RNF180: variants seen among roughly 807,000 people sequenced by gnomAD.
RNF180 encodes ring finger protein 180, also known as E3 ubiquitin-protein ligase RNF180.
A neutral mutation model predicts 59.2 loss-of-function variants in RNF180; 38 were observed. The ratio of observed to expected loss-of-function variants is 0.64; its 90% CI spans 0.50 to 0.84. The LOEUF (loss-of-function observed/expected upper bound fraction) is 0.84, where lower values mean the gene tolerates loss of function less well. Among genes scored for constraint, RNF180 ranks in the 40% least tolerant of loss-of-function variants. RNF180 has a pLI of 0.00. For synonymous variants in RNF180, 262 were observed against 240.3 expected (o/e 1.09, Z -0.84); for missense variants, 705 against 700.9 (o/e 1.01, Z -0.07).
chr5:64,361,016 C>T (rs868807722), intron 7 of RNF180, among the ~76,000 whole-genome samples: 4 of 151,554 alleles, frequency 2.6e-5, no homozygotes, highest in Non-Finnish European at 5.9e-5. Flanking sequence ...AGACAGTTTG[C>T]TGTGCAAATA....
At chr5:64,339,380 A>G (rs907026787) in intron 7 of RNF180, among the ~76,000 whole-genome samples, 9 of 151,890 alleles carry the variant, frequency 5.9e-5, no homozygotes, top group African/African-American at 2.2e-4. Context: ...CATCACTTGT[A>G]GTATTTTTTA....
At chr5:64,270,892 A>G (rs1472563423) in intron 5 of RNF180, among the ~76,000 whole-genome samples, 1 of 152,114 alleles carries the variant, frequency 6.6e-6, no homozygotes, top group Non-Finnish European at 1.5e-5. Context: ...TATAATCACA[A>G]AATACCTGAT....
intron 7 of RNF180, among the ~76,000 whole-genome samples, chr5:64,355,477 T>A (rs990326417): frequency 3.3e-5 from 5 of 151,932 alleles, no homozygotes; most frequent in African/African-American, 9.7e-5. Flanking sequence ...TGTTAAGATA[T>A]CAGTACTGCC....
chr5:64,165,767 G>A (rs1177075832), upstream of RNF180: 1 of 152,190 alleles, frequency 6.6e-6, no homozygotes, highest in African/African-American at 2.4e-5. Flanking sequence ...CCACGTCCGA[G>A]GCCGCGGGGT....
intron 2 of RNF180, among the ~76,000 whole-genome samples, chr5:64,202,005 A>C (rs925420371): frequency 2.0e-5 from 3 of 152,202 alleles, no homozygotes; most frequent in African/African-American, 7.2e-5. Flanking sequence ...TTTAATTAGG[A>C]AAATATCCAA....
chr5:64,319,704 G>A (rs1744246090), intron 5 of RNF180, among the ~76,000 whole-genome samples: 1 of 152,208 alleles, frequency 6.6e-6, no homozygotes, highest in African/African-American at 2.4e-5. Flanking sequence ...TTAAGCTCCT[G>A]AGAGTATTAT....
chr5:64,201,014 A>G (rs766460923), intron 2 of RNF180, 72 bp downstream of exon 2: 47 of 1,167,030 alleles, frequency 4.0e-5, no homozygotes, highest in East Asian at 7.1e-5. Context: ...ACACATGCAC[A>G]CTTATTCTTC....
chr5:64,184,507 G>A (rs1750777920), intron 1 of RNF180, among the ~76,000 whole-genome samples: 1 of 151,832 alleles, frequency 6.6e-6, no homozygotes, highest in Admixed American at 6.6e-5. Context: ...AAGAATTTTT[G>A]CTCACCAACT....
At position 64,300,579 on chromosome 5, in the gene RNF180, G is replaced by A. The variant is rs146171209; in HGVS notation, c.1228-24607G>A. Among the ~76,000 whole-genome samples the A allele has an allele frequency of 3.4e-3, 517 of 151,778 alleles. 2 individuals are homozygous for A. The highest frequency in any genetic ancestry group is 0.011 in the African/African-American group (468 of 41,452). On this transcript the variant is annotated intron_variant, in intron 5 of 7. Transcript: ENST00000389100. ...TAGCTGTGGTTTCAGGCATCTACTG[G>A]GGATCTTGAATGTATTCCCCTCAGA...
At chr5:64,369,547 G>A in intron 7 of RNF180, 68 bp from the exon 8 acceptor site, 1 of 941,918 alleles carries the variant, frequency 1.1e-6, no homozygotes, top group Non-Finnish European at 1.5e-6. Context: ...AACTGTACTT[G>A]TGTACAGCTT....
At chr5:64,337,569 A>ATAAG (rs1401775897) in intron 7 of RNF180, among the ~76,000 whole-genome samples, 1 of 152,088 alleles carries the variant, frequency 6.6e-6, no homozygotes, top group East Asian at 1.9e-4. Flanking sequence ...GGTTAGTTAC[A>ATAAG]TAAGTATACA....
intron 7 of RNF180, among the ~76,000 whole-genome samples, chr5:64,349,142 T>A (rs1365450889): frequency 6.6e-6 from 1 of 152,102 alleles, no homozygotes; most frequent in African/African-American, 2.4e-5. Flanking sequence ...TTAGCATACA[T>A]AACCAGAAGT....
At chr5:64,302,442 C>G (rs1316326014) in intron 5 of RNF180, among the ~76,000 whole-genome samples, 1 of 151,370 alleles carries the variant, frequency 6.6e-6, no homozygotes, top group African/African-American at 2.4e-5. Flanking sequence ...CAGTATCTTC[C>G]TTGGCCACAT....
chr5:64,340,130 A>G (rs934695874), intron 7 of RNF180, among the ~76,000 whole-genome samples: 1 of 152,158 alleles, frequency 6.6e-6, no homozygotes, highest in Non-Finnish European at 1.5e-5. Flanking sequence ...AACCATTCAT[A>G]TATATAATTA....
At chr5:64,352,169 G>T (rs1745841848) in intron 7 of RNF180, among the ~76,000 whole-genome samples, 1 of 152,014 alleles carries the variant, frequency 6.6e-6, no homozygotes, top group African/African-American at 2.4e-5. Flanking sequence ...ATTTCTTCTA[G>T]ATTTTCTAGT....
intron 5 of RNF180, among the ~76,000 whole-genome samples, chr5:64,220,257 T>C (rs12523236): frequency 0.1 from 15,311 of 151,906 alleles, 873 homozygotes; most frequent in South Asian, 0.17. Flanking sequence ...TATTTACATA[T>C]ATTTCTTCTC....
intron 3 of RNF180, 111 bp from the exon 4 acceptor site, chr5:64,213,447 C>T (rs1752415963): frequency 2.2e-6 from 2 of 908,666 alleles, no homozygotes; most frequent in Admixed American, 2.3e-5. Context: ...GAAAGCTAGC[C>T]TTTTCTGTGG....
chr5:64,187,885 C>T (rs147183884), intron 1 of RNF180, among the ~76,000 whole-genome samples: 2 of 152,272 alleles, frequency 1.3e-5, no homozygotes, highest in Middle Eastern at 3.4e-3. Flanking sequence ...TTAAATGATT[C>T]ACGAACAAAT....
chr5:64,245,534 A>G (rs1162000766), intron 5 of RNF180, among the ~76,000 whole-genome samples: 1 of 152,222 alleles, frequency 6.6e-6, no homozygotes, highest in African/African-American at 2.4e-5. Flanking sequence ...GCATTACATA[A>G]TTGTAAAGGA....
Sources: allele counts gnomAD v4.1 joint callset (sites outside exome capture counted in the v4.1 genomes callset), GRCh38; gene constraint gnomAD v4.1.1; transcripts MANE v1.5; gene names NCBI Gene and HGNC (gene_info 2026-07-23, HGNC 2026-07-21).